The following XXYLT1 variants were observed in gnomAD, a reference collection of about 807,000 sequenced individuals.
XXYLT1 encodes xyloside xylosyltransferase 1, also known as UDP-xylose:alpha-xyloside alpha-1,3-xylosyltransferase.
Under a neutral mutation model 28.9 loss-of-function variants are expected in XXYLT1, and 20 were observed. That is an observed-to-expected ratio of 0.69 (90% CI 0.49 to 1.00). The LOEUF (loss-of-function observed/expected upper bound fraction) is 1.00. Ranked by LOEUF, XXYLT1 falls within the 50% of genes least tolerant of loss-of-function variation. The pLI, the probability that XXYLT1 is intolerant of heterozygous loss-of-function variation, is 0.00. For synonymous variants in XXYLT1, 257 were observed against 253.8 expected, an observed-to-expected ratio of 1.01 and a Z score of -0.12; for missense variants, 542 against 560.1, an observed-to-expected ratio of 0.97 and a Z score of 0.33.
At chr3:195,247,739 G>A (rs1251490661) in intron 1 of XXYLT1, 1 of 698,050 alleles carries the variant, frequency 1.4e-6, no homozygotes, top group Non-Finnish European at 2.6e-6. Context: ...AAGACTTGGT[G>A]ATTTATAAGG....
At chr3:195,104,278 A>G (rs1716971640) in intron 3 of XXYLT1, among the ~76,000 whole-genome samples, 3 of 151,796 alleles carry the variant, frequency 2.0e-5, no homozygotes, top group Admixed American at 2.0e-4. Context: ...CATGAGAGGA[A>G]AACGAGGCTC....
intron 1 of XXYLT1, among the ~76,000 whole-genome samples, chr3:195,261,461 A>G (rs921166930): frequency 1.3e-5 from 2 of 152,134 alleles, no homozygotes; most frequent in Non-Finnish European, 1.5e-5. Context: ...GAAAAAGGAA[A>G]TTAAAGAAAA....
At chr3:195,190,783 C>T (rs960622336) in intron 2 of XXYLT1, among the ~76,000 whole-genome samples, 8 of 151,774 alleles carry the variant, frequency 5.3e-5, no homozygotes, top group South Asian at 2.1e-4. Flanking sequence ...TGGCGCTTTA[C>T]GGGAGCAAAC....
chr3:195,169,871 T>TTA (rs1560132460), intron 2 of XXYLT1, among the ~76,000 whole-genome samples: 10 of 135,220 alleles, frequency 7.4e-5, no homozygotes, highest in Admixed American at 2.1e-4. Flanking sequence ...ATATATATAT[T>TTA]TTTTTTTTTT....
Position 195,271,116 on chromosome 3 carries a change from C to T in XXYLT1, c.-58G>A. The T allele has an allele frequency of 7.8e-7, 1 of 1,275,514 alleles. No individual in the cohort carries two copies. 79.0% of individuals were successfully genotyped at this position (1,275,514 alleles called of 1,614,324 possible). ...CAACGCGGGAGAGCCCTCGGGTACC[C>T]GGACGCCGGCGGCCACTTAGCCCCG... On this transcript the variant is annotated 5_prime_UTR_variant, in exon 1 of 4. Transcript: ENST00000310380.
chr3:195,072,560 T>A (rs1272069160), intron 3 of XXYLT1, among the ~76,000 whole-genome samples: 1 of 152,068 alleles, frequency 6.6e-6, no homozygotes, highest in African/African-American at 2.4e-5. Flanking sequence ...TTGGGGACAA[T>A]GCTCAGCACC....
chr3:195,208,059 C>A (rs1474105916), intron 2 of XXYLT1, among the ~76,000 whole-genome samples: 1 of 152,178 alleles, frequency 6.6e-6, no homozygotes, highest in Admixed American at 6.5e-5. Flanking sequence ...TCACTAGAAG[C>A]ATGTCAATAA....
At chr3:195,174,649 T>C (rs972597232) in intron 2 of XXYLT1, among the ~76,000 whole-genome samples, 15 of 150,834 alleles carry the variant, frequency 9.9e-5, no homozygotes, top group African/African-American at 3.4e-4. Context: ...TTTCCTTTCC[T>C]TCCCTCTTTC....
intron 1 of XXYLT1, among the ~76,000 whole-genome samples, chr3:195,238,811 C>T (rs1724660880): frequency 6.6e-6 from 1 of 152,178 alleles, no homozygotes; most frequent in Non-Finnish European, 1.5e-5. Flanking sequence ...CCTATCCGTT[C>T]GAATTACACA....
intron 2 of XXYLT1, among the ~76,000 whole-genome samples, chr3:195,205,475 G>A (rs1435969472): frequency 6.6e-6 from 1 of 152,208 alleles, no homozygotes; most frequent in Non-Finnish European, 1.5e-5. Flanking sequence ...GAGGAAATTA[G>A]TGGTTGCTAC....
At chr3:195,189,070 T>C (rs1722317892) in intron 2 of XXYLT1, among the ~76,000 whole-genome samples, 2 of 152,202 alleles carry the variant, frequency 1.3e-5, no homozygotes, top group Non-Finnish European at 2.9e-5. Flanking sequence ...CACTGAGTGA[T>C]TTACATTGAT....
chr3:195,195,591 T>A lies in XXYLT1; in HGVS notation c.652+31118A>T, dbSNP rs191622780. Among the ~76,000 whole-genome samples, 83 of 152,320 alleles carry A rather than the reference T, an allele frequency of 5.4e-4. No homozygotes were observed. Among genetic ancestry groups the A allele is most frequent in the African/African-American group, 2.0e-3 (82 of 41,566 alleles). On this transcript the variant is annotated intron_variant, in intron 2 of 3. Coordinates refer to ENST00000310380, the MANE Select transcript of XXYLT1 (RefSeq NM_152531.5). This position sits in a 1 kb window ranked among gnomAD's most constrained non-coding sequence, Gnocchi z 4.4. ...CCCTGGGGAGAGGCTACCCGTGGTT[T>A]GTTGTAAATGAAAGAGATTCATGAA...
chr3:195,073,462 A>C (rs892007748), intron 3 of XXYLT1, among the ~76,000 whole-genome samples: 6 of 152,160 alleles, frequency 3.9e-5, no homozygotes, highest in African/African-American at 1.4e-4. Flanking sequence ...AGCATCCAGA[A>C]GTTTCTCTGA....
intron 3 of XXYLT1, among the ~76,000 whole-genome samples, chr3:195,070,758 C>T (rs1714756768): frequency 6.6e-6 from 1 of 152,174 alleles, no homozygotes; most frequent in Non-Finnish European, 1.5e-5. Flanking sequence ...AAGCCTGGCA[C>T]TTCAGAAAGG....
At chr3:195,120,906 C>T (rs1195700415) in intron 3 of XXYLT1, among the ~76,000 whole-genome samples, 2 of 152,234 alleles carry the variant, frequency 1.3e-5, no homozygotes, top group East Asian at 3.8e-4. Context: ...GTTCCTAGGG[C>T]TTACTCCCCC....
At chr3:195,270,179 A>C in intron 1 of XXYLT1, 1 of 495,940 alleles carries the variant, frequency 2.0e-6, no homozygotes, top group Non-Finnish European at 3.9e-6. Context: ...ACTACTGGTG[A>C]CCAGTCCCAT....
At chr3:195,144,885 C>A (rs1288330778) in intron 3 of XXYLT1, among the ~76,000 whole-genome samples, 1 of 152,204 alleles carries the variant, frequency 6.6e-6, no homozygotes, top group Non-Finnish European at 1.5e-5. Context: ...CTGCCAACAT[C>A]TTGGCAGGAA....
rs1723212349 is a variant in XXYLT1 at position 195,209,411 on chromosome 3, C to T, written c.652+17298G>A. ...ATCCTCCTCACCCCCTCGGCCCCATCAAGGGCTTTCAGATTTTACAGAAAC... is the reference window on the plus strand; with the variant it reads ...ATCCTCCTCACCCCCTCGGCCCCATTAAGGGCTTTCAGATTTTACAGAAAC... On this transcript the variant is annotated intron_variant, in intron 2 of 3. Coordinates refer to ENST00000310380, the MANE Select transcript of XXYLT1 (RefSeq NM_152531.5). This position sits in a 1 kb window ranked among gnomAD's most constrained non-coding sequence, Gnocchi z 5.0. 1 of 152,436 alleles carries T rather than the reference C, an allele frequency of 6.6e-6. No homozygotes were observed. The allele number at this position is 152,436 out of a possible 1,614,324, so 9.4% of individuals were successfully genotyped here. A position where few individuals can be genotyped will look rare whatever the true frequency, so the allele number is the denominator to read the frequency against.
chr3:195,169,506 C>A (rs1577103546), intron 2 of XXYLT1, among the ~76,000 whole-genome samples: 1 of 152,350 alleles, frequency 6.6e-6, no homozygotes, highest in East Asian at 1.9e-4. Flanking sequence ...TCCCCTCATG[C>A]CACAGTGGGA....
Sources: allele counts gnomAD v4.1 joint callset (sites outside exome capture counted in the v4.1 genomes callset), GRCh38; gene constraint gnomAD v4.1.1; non-coding constraint Gnocchi (gnomAD v3.1); transcripts MANE v1.5; gene names NCBI Gene and HGNC (gene_info 2026-07-23, HGNC 2026-07-21).